The following NKAIN2 variants were observed in gnomAD, a reference collection of about 807,000 sequenced individuals.
NKAIN2 encodes sodium/potassium-transporting ATPase subunit beta-1-interacting protein 2.
Under a neutral mutation model 32.6 loss-of-function variants are expected in NKAIN2, and 14 were observed. The ratio of observed to expected loss-of-function variants is 0.43; its 90% CI spans 0.28 to 0.67. The LOEUF is 0.67. NKAIN2 is among the 30% of genes least tolerant of loss of function. The pLI is 0.17. For synonymous variants in NKAIN2, 80 were observed against 87.2 expected (o/e 0.92, Z 0.46); for missense variants, 198 against 258.3 (o/e 0.77, Z 1.60).
At chr6:124,153,175 A>G (rs1433653128) in intron 1 of NKAIN2, among the ~76,000 whole-genome samples, 1 of 151,882 alleles carries the variant, frequency 6.6e-6, no homozygotes, top group African/African-American at 2.4e-5. Flanking sequence ...CAAAAAAGAT[A>G]AATGTTGAGG....
intron 5 of NKAIN2, among the ~76,000 whole-genome samples, chr6:124,815,225 C>CATATATATATATATATATAT (rs56841213): frequency 1.6e-3 from 213 of 136,952 alleles, no homozygotes; most frequent in African/African-American, 5.2e-3. Context: ...TATATATATA[C>CATATATATATATATATATAT]ATATATATAT....
intron 2 of NKAIN2, among the ~76,000 whole-genome samples, chr6:124,289,859 G>T (rs933255414): frequency 2.6e-5 from 4 of 151,920 alleles, no homozygotes; most frequent in Admixed American, 2.0e-4. Context: ...TTTTCTAGGA[G>T]AAAAAAATAT....
At chr6:124,372,607 C>T (rs1799814356) in intron 3 of NKAIN2, among the ~76,000 whole-genome samples, 1 of 152,128 alleles carries the variant, frequency 6.6e-6, no homozygotes, top group African/African-American at 2.4e-5. Flanking sequence ...TTAAAAAATA[C>T]TTTACCCTGA....
intron 3 of NKAIN2, among the ~76,000 whole-genome samples, chr6:124,501,936 A>G (rs1269252625): frequency 6.6e-6 from 1 of 151,936 alleles, no homozygotes. Flanking sequence ...CCCCATTTCC[A>G]ATTAAAACAA....
chr6:124,013,029 T>C (rs1263477352), intron 1 of NKAIN2, among the ~76,000 whole-genome samples: 1 of 152,180 alleles, frequency 6.6e-6, no homozygotes, highest in Non-Finnish European at 1.5e-5. Context: ...AGCCATTTAA[T>C]AGGTATTAAT....
chr6:124,428,214 A>G (rs1009281827), intron 3 of NKAIN2, among the ~76,000 whole-genome samples: 1 of 152,108 alleles, frequency 6.6e-6, no homozygotes, highest in Non-Finnish European at 1.5e-5. Context: ...TCCATCTCCT[A>G]AGTACCATAA....
chr6:124,489,092 A>G (rs1406912131), intron 3 of NKAIN2, among the ~76,000 whole-genome samples: 1 of 151,968 alleles, frequency 6.6e-6, no homozygotes, highest in Non-Finnish European at 1.5e-5. Context: ...CTAGAATAAT[A>G]CAAGGTAAAA....
chr6:123,917,995 T>C (rs1279808176), intron 1 of NKAIN2, among the ~76,000 whole-genome samples: 1 of 152,154 alleles, frequency 6.6e-6, no homozygotes, highest in Admixed American at 6.6e-5. Flanking sequence ...AACTTGTAAT[T>C]AAGTAGATCA....
chr6:123,996,346 A>G (rs1779620860), intron 1 of NKAIN2, among the ~76,000 whole-genome samples: 1 of 51,754 alleles, frequency 1.9e-5, no homozygotes, highest in Admixed American at 2.0e-4. Context: ...GCAGCCCACC[A>G]TTCCCAAAAC....
At chr6:124,011,148 A>G (rs4363051) in intron 1 of NKAIN2, among the ~76,000 whole-genome samples, 63,226 of 151,816 alleles carry the variant, frequency 0.42, 13,466 homozygotes, top group East Asian at 0.57. Context: ...TGACCATTTG[A>G]CTTCTTTCTG....
intron 3 of NKAIN2, among the ~76,000 whole-genome samples, chr6:124,571,441 G>A (rs1474664931): frequency 1.3e-5 from 2 of 152,178 alleles, no homozygotes; most frequent in Non-Finnish European, 2.9e-5. Flanking sequence ...CCCAGAAGGA[G>A]GTAACTGAAT....
chr6:124,254,448 G>T (rs1472552733), intron 1 of NKAIN2, among the ~76,000 whole-genome samples: 1 of 152,080 alleles, frequency 6.6e-6, no homozygotes, highest in African/African-American at 2.4e-5. Context: ...GTGGTGGGAG[G>T]CACTAGAGAG....
intron 4 of NKAIN2, among the ~76,000 whole-genome samples, chr6:124,783,520 T>C (rs1779366145): frequency 6.6e-6 from 1 of 152,162 alleles, no homozygotes; most frequent in South Asian, 2.1e-4. Context: ...ACATTCACAA[T>C]AGCCCTGGAG....
intron 1 of NKAIN2, among the ~76,000 whole-genome samples, chr6:124,272,858 C>A (rs960268503): frequency 1.3e-5 from 2 of 152,206 alleles, no homozygotes; most frequent in Non-Finnish European, 2.9e-5. Flanking sequence ...CATCTCAGAG[C>A]TTTACAATTA....
intron 1 of NKAIN2, among the ~76,000 whole-genome samples, chr6:124,039,165 C>T (rs922916931): frequency 1.3e-5 from 2 of 151,814 alleles, no homozygotes; most frequent in Non-Finnish European, 2.9e-5. Context: ...ATTAATGTTA[C>T]CAATAAAATT....
intron 4 of NKAIN2, among the ~76,000 whole-genome samples, chr6:124,770,730 C>T (rs985572498): frequency 2.6e-5 from 4 of 152,050 alleles, no homozygotes; most frequent in African/African-American, 9.7e-5. Flanking sequence ...GTTTTAAGTG[C>T]ACCAGAGGCC....
At chr6:124,485,487 A>T (rs1777614722) in intron 3 of NKAIN2, among the ~76,000 whole-genome samples, 1 of 152,178 alleles carries the variant, frequency 6.6e-6, no homozygotes, top group Non-Finnish European at 1.5e-5. Context: ...TATGCATTAT[A>T]AATAAATTAT....
chr6:124,760,203 G>A (rs750161392), intron 4 of NKAIN2, among the ~76,000 whole-genome samples: 3 of 152,036 alleles, frequency 2.0e-5, no homozygotes, highest in African/African-American at 4.8e-5. Flanking sequence ...TAAATGATGA[G>A]AACTCATGGA....
chr6:124,773,748 A>G (rs968210024), intron 4 of NKAIN2, among the ~76,000 whole-genome samples: 1 of 152,214 alleles, frequency 6.6e-6, no homozygotes, highest in Admixed American at 6.6e-5. Context: ...TTAAATTACT[A>G]TGGAAAAATA....
Sources: gnomAD v4.1 joint callset for allele counts (sites outside exome capture counted in the v4.1 genomes callset) on GRCh38, gnomAD v4.1.1 for gene constraint, MANE v1.5 for transcripts, NCBI Gene and HGNC (gene_info 2026-07-23, HGNC 2026-07-21) for gene names.